Variants in EIF4EBP1 observed in about 807,000 individuals in gnomAD.
EIF4EBP1 encodes the protein eukaryotic translation initiation factor 4E binding protein 1, also known as eukaryotic translation initiation factor 4E-binding protein 1.
Under a neutral mutation model 9.2 loss-of-function variants are expected in EIF4EBP1, and 5 were observed. The ratio of observed to expected loss-of-function variants is 0.54; its 90% confidence interval spans 0.28 to 1.14. The LOEUF (loss-of-function observed/expected upper bound fraction) is 1.14. EIF4EBP1 is among the 50% of genes most tolerant of loss of function. EIF4EBP1 has a pLI of 0.09. For missense variants in EIF4EBP1, 139 were observed against 169.6 expected, an observed-to-expected ratio of 0.82 and a Z score of 1.00; for synonymous variants, 62 against 67.0, an observed-to-expected ratio of 0.93 and a Z score of 0.36.
intron 1 of EIF4EBP1, among the ~76,000 whole-genome samples, chr8:38,033,712 A>G (rs989397814): frequency 6.8e-6 from 1 of 146,316 alleles, no homozygotes; most frequent in African/African-American, 2.5e-5. Context: ...GGGTTGCACT[A>G]TCTCCATTCC....
At chr8:38,030,786 T>A in intron 1 of EIF4EBP1, 68 bp downstream of exon 1, 10 of 1,371,000 alleles carry the variant, frequency 7.3e-6, no homozygotes, top group Non-Finnish European at 9.4e-6. Flanking sequence ...AATCGCGGAT[T>A]GGACCGGGTG....
chr8:38,041,373 G>A (rs1483616699), intron 1 of EIF4EBP1, among the ~76,000 whole-genome samples: 1 of 152,206 alleles, frequency 6.6e-6, no homozygotes, highest in Non-Finnish European at 1.5e-5. Context: ...AAATCACTGG[G>A]ATTACAGGCA....
rs3067026 is a variant in EIF4EBP1 at position 38,040,866 on chromosome 8, C to CTGTTGTTGT, written c.145+10171_145+10179dup. Among the ~76,000 whole-genome samples the CTGTTGTTGT allele has an allele frequency of 1.0e-2, 1,513 of 151,570 alleles. 30 individuals carry two copies. Among genetic ancestry groups the CTGTTGTTGT allele is most frequent in the African/African-American group, 0.035 (1,425 of 41,248 alleles). ...ATTCAGGGAGAGGGGAAATACATGC[C>CTGTTGTTGT]TGTTGTTGTTGTTGTTGTTGTTGTT... On this transcript the variant is annotated intron_variant, in intron 1 of 2. Coordinates refer to ENST00000338825, the MANE Select transcript of EIF4EBP1 (RefSeq NM_004095.4).
chr8:38,055,864 C>T (rs768530262), intron 1 of EIF4EBP1, among the ~76,000 whole-genome samples: 6 of 152,016 alleles, frequency 3.9e-5, no homozygotes, highest in African/African-American at 7.2e-5. Context: ...GGCATGGTGG[C>T]ACGCACCTAT....
At chr8:38,046,390 T>C (rs942403967) in intron 1 of EIF4EBP1, among the ~76,000 whole-genome samples, 3 of 152,178 alleles carry the variant, frequency 2.0e-5, no homozygotes, top group Admixed American at 6.6e-5. Flanking sequence ...TGAAGGATAC[T>C]GGCTAACAAA....
intron 1 of EIF4EBP1, among the ~76,000 whole-genome samples, chr8:38,051,290 G>A (rs1809520386): frequency 6.6e-6 from 1 of 152,140 alleles, no homozygotes; most frequent in African/African-American, 2.4e-5. Flanking sequence ...ATCGTTGACC[G>A]CTCCTGTACT....
At chr8:38,044,646 C>A (rs1330895108) in intron 1 of EIF4EBP1, among the ~76,000 whole-genome samples, 2 of 152,298 alleles carry the variant, frequency 1.3e-5, no homozygotes, top group African/African-American at 2.4e-5. Context: ...CACTGTGTTG[C>A]CCAGGCTGGT....
At chr8:38,049,113 G>A (rs181929742) in intron 1 of EIF4EBP1, among the ~76,000 whole-genome samples, 3 of 142,474 alleles carry the variant, frequency 2.1e-5, no homozygotes, top group East Asian at 2.0e-4. Context: ...CAACAAGAGC[G>A]AAACTCCGTC....
At chr8:38,045,900 G>C (rs533501880) in intron 1 of EIF4EBP1, among the ~76,000 whole-genome samples, 33 of 150,886 alleles carry the variant, frequency 2.2e-4, no homozygotes, top group Admixed American at 1.3e-3. Context: ...CACAACACCT[G>C]ACTAATTTTT....
At chr8:38,031,669 G>A (rs1291148935) in intron 1 of EIF4EBP1, among the ~76,000 whole-genome samples, 1 of 152,166 alleles carries the variant, frequency 6.6e-6, no homozygotes, top group South Asian at 2.1e-4. Flanking sequence ...GGTGGCGGGC[G>A]GGGGCCACAT....
chr8:38,050,381 C>A (rs1452483838), intron 1 of EIF4EBP1, among the ~76,000 whole-genome samples: 1 of 152,118 alleles, frequency 6.6e-6, no homozygotes, highest in African/African-American at 2.4e-5. Flanking sequence ...CAGGGTTTCA[C>A]TCTGTCAATC....
intron 1 of EIF4EBP1, among the ~76,000 whole-genome samples, chr8:38,050,533 A>AT: frequency 6.6e-6 from 1 of 151,810 alleles, no homozygotes; most frequent in Non-Finnish European, 1.5e-5. Context: ...TCTTTTTTGT[A>AT]AAGACAGGGT....
At chr8:38,032,836 G>A (rs955912599) in intron 1 of EIF4EBP1, among the ~76,000 whole-genome samples, 3 of 152,180 alleles carry the variant, frequency 2.0e-5, no homozygotes, top group African/African-American at 7.2e-5. Context: ...TAGCCAAGGT[G>A]TGGACTCTTC....
At chr8:38,031,797 C>T (rs566290109) in intron 1 of EIF4EBP1, among the ~76,000 whole-genome samples, 1 of 152,264 alleles carries the variant, frequency 6.6e-6, no homozygotes, top group Non-Finnish European at 1.5e-5. Context: ...CCAGCCCTGC[C>T]GTCTTATTCT....
At chr8:38,045,450 A>G (rs1255587119) in intron 1 of EIF4EBP1, among the ~76,000 whole-genome samples, 1 of 151,976 alleles carries the variant, frequency 6.6e-6, no homozygotes, top group African/African-American at 2.4e-5. Flanking sequence ...ATTTATTGTA[A>G]TCCCAGAACT....
intron 1 of EIF4EBP1, among the ~76,000 whole-genome samples, chr8:38,050,929 T>C (rs1447528589): frequency 6.6e-6 from 1 of 152,180 alleles, no homozygotes; most frequent in Admixed American, 6.6e-5. Flanking sequence ...GGTCTTTATC[T>C]TCACTCTTTA....
intron 1 of EIF4EBP1, among the ~76,000 whole-genome samples, chr8:38,053,421 C>G (rs952472668): frequency 4.0e-5 from 6 of 151,880 alleles, no homozygotes; most frequent in Non-Finnish European, 5.9e-5. Flanking sequence ...GGCGCCATCT[C>G]AGCTCACTGC....
chr8:38,060,023 T>A lies in EIF4EBP1; in HGVS notation c.*88T>A. On this transcript the variant is annotated 3_prime_UTR_variant, in exon 3 of 3. Transcript: ENST00000338825. ...CACCAGCCAGGCCTTATGAAAGTGA[T>A]CATACTGGGCAGGCGTTGGCGTGGG... 1.5e-6 allele frequency: 2 copies of A among 1,362,524 alleles called. No homozygotes were observed. Among genetic ancestry groups the A allele is most frequent in the Non-Finnish European group, 2.1e-6 (2 of 950,922 alleles). 84.4% of individuals were successfully genotyped at this position (1,362,524 alleles called of 1,614,324 possible).
intron 1 of EIF4EBP1, among the ~76,000 whole-genome samples, chr8:38,031,180 G>A (rs1336955747): frequency 1.3e-5 from 2 of 152,218 alleles, no homozygotes; most frequent in African/African-American, 4.8e-5. Flanking sequence ...CGAGTTTTGT[G>A]TTGGACTCGC....
Sources: allele counts gnomAD v4.1 joint callset (sites outside exome capture counted in the v4.1 genomes callset), GRCh38; gene constraint gnomAD v4.1.1; transcripts MANE v1.5; gene names NCBI Gene and HGNC (gene_info 2026-07-23, HGNC 2026-07-21).